TBC1D14: variants seen among roughly 807,000 people sequenced by gnomAD.
TBC1D14 encodes TBC1 domain family, member 14.
A neutral mutation model predicts 79.0 loss-of-function variants in TBC1D14; 26 were observed. That is an observed-to-expected ratio of 0.33 (90% CI 0.24 to 0.46). The LOEUF (loss-of-function observed/expected upper bound fraction) is 0.46, where lower values mean the gene tolerates loss of function less well. Among genes scored for constraint, TBC1D14 ranks in the 20% least tolerant of loss-of-function variants. The probability of loss-of-function intolerance (pLI) is 1.00; values close to 1 mark genes in which losing one functional copy is unlikely to be tolerated. For missense variants in TBC1D14, 769 were observed against 887.6 expected, an observed-to-expected ratio of 0.87 and a Z score of 1.70; for synonymous variants, 394 against 349.9, an observed-to-expected ratio of 1.13 and a Z score of -1.40.
chr4:7,006,808 T>C lies in TBC1D14; in HGVS notation c.1446+82T>C, dbSNP rs577540577. 3.0e-5 allele frequency: 41 copies of C among 1,382,980 alleles called. No homozygotes were observed. The East Asian group carries it at 3.7e-4, about 13-fold the overall frequency. The allele number at this position is 1,382,980 out of a possible 1,614,324, so 85.7% of individuals were successfully genotyped here. A position where few individuals can be genotyped will look rare whatever the true frequency, so the allele number is the denominator to read the frequency against. ...TGAACTGTGTATATTTGTTGTCAAG[T>C]TTGAAAGGTACTTGGGTTTTTGGGG... On this transcript the variant is annotated intron_variant, in intron 9 of 13. Transcript: ENST00000409757.
At chr4:7,015,864 G>A (rs56350643) in intron 12 of TBC1D14, among the ~76,000 whole-genome samples, 13,605 of 152,196 alleles carry the variant, frequency 0.089, 984 homozygotes, top group African/African-American at 0.19. Context: ...GGCACCACCC[G>A]ACTCATAGAA....
Position 6,924,948 on chromosome 4 carries a change from C to A in TBC1D14, c.722+837C>A, listed in dbSNP as rs57077904. On this transcript the variant is annotated intron_variant, in intron 2 of 13. Transcript: ENST00000409757. ...ACACAAGCAAATGTGAACTCCCGAA[C>A]GGTGGCGTGCTGGGAGGAAGGGCAC... Among the ~76,000 whole-genome samples the A allele has an allele frequency of 1.9e-3, 288 of 152,100 alleles. 3 individuals carry two copies. The highest frequency in any genetic ancestry group is 6.6e-3 in the African/African-American group (274 of 41,480).
At chr4:6,961,283 A>G (rs1010929909) in intron 2 of TBC1D14, among the ~76,000 whole-genome samples, 3 of 152,094 alleles carry the variant, frequency 2.0e-5, no homozygotes, top group African/African-American at 7.2e-5. Context: ...GCTCTGCCAT[A>G]TGGCTTTAAA....
At chr4:7,012,863 AT>A (rs1720909993) in intron 11 of TBC1D14, among the ~76,000 whole-genome samples, 1 of 152,256 alleles carries the variant, frequency 6.6e-6, no homozygotes, top group Admixed American at 6.5e-5. Context: ...CAGAAAATAA[AT>A]CTTGAGGAAG....
rs540431932 is a variant in TBC1D14 at position 7,013,951 on chromosome 4, G to A, written c.1648-497G>A. ...TTTTTAATAGAGACGGAGTTTCACC[G>A]TGTTAGCGAGGATGGTCTCGATCTC... On this transcript the variant is annotated intron_variant, in intron 11 of 13. Transcript: ENST00000409757. 5.3e-5 allele frequency among the ~76,000 whole-genome samples: 8 copies of A among 152,242 alleles called. No individual in the cohort carries two copies. The South Asian group carries it at 8.3e-4, about 16-fold the overall frequency.
intron 3 of TBC1D14, among the ~76,000 whole-genome samples, chr4:6,979,535 C>T (rs1424278039): frequency 1.3e-5 from 2 of 152,064 alleles, no homozygotes; most frequent in South Asian, 2.1e-4. Flanking sequence ...GCAGGAGGAT[C>T]GCTTGAGCCC....
chr4:6,977,818 T>A (rs1447727103), intron 3 of TBC1D14, among the ~76,000 whole-genome samples: 10 of 95,530 alleles, frequency 1.0e-4, no homozygotes, highest in Non-Finnish European at 4.4e-5. Flanking sequence ...CAGGCCGCCA[T>A]CCCATCTAGG....
chr4:6,954,179 G>C, intron 2 of TBC1D14: 1 of 656,892 alleles, frequency 1.5e-6, no homozygotes. Context: ...CGCGAGGGGC[G>C]GGGCTCCGAG....
intron 2 of TBC1D14, among the ~76,000 whole-genome samples, chr4:6,925,804 T>C (rs1279923967): frequency 6.6e-6 from 1 of 152,178 alleles, no homozygotes; most frequent in African/African-American, 2.4e-5. Flanking sequence ...AACTTCCCCG[T>C]GCTCAGACGA....
At chr4:7,009,196 T>C (rs1267277289) in intron 9 of TBC1D14, among the ~76,000 whole-genome samples, 3 of 152,232 alleles carry the variant, frequency 2.0e-5, no homozygotes, top group Non-Finnish European at 2.9e-5. Flanking sequence ...TGTTTGGGAC[T>C]GAACCTGTCC....
At chr4:6,977,415 G>A (rs28588616) in intron 3 of TBC1D14, among the ~76,000 whole-genome samples, 111,799 of 131,850 alleles carry the variant, frequency 0.85, 48,608 homozygotes, top group East Asian at 0.99. Flanking sequence ...AGTCGCGTTC[G>A]CTCAGTGCTC....
intron 2 of TBC1D14, among the ~76,000 whole-genome samples, chr4:6,956,981 C>T (rs753382792): frequency 1.4e-4 from 21 of 152,250 alleles, no homozygotes; most frequent in Non-Finnish European, 2.8e-4. Flanking sequence ...TTGGTATCTC[C>T]TCCACCACAC....
rs916515777 is a variant in TBC1D14, at chr4:7,030,567, A to T, written c.*175A>T. On this transcript the variant is annotated 3_prime_UTR_variant, in exon 14 of 14. Coordinates refer to ENST00000409757, the MANE Select transcript of TBC1D14 (RefSeq NM_020773.3). ...ACAAAAACTTTTAAAGAATTAAACC[A>T]AGGCTTAGCCTTAAGCAGCTCAGTG... The T allele has an allele frequency of 6.5e-6, 4 of 617,084 alleles. No individual in the cohort carries two copies. The highest frequency in any genetic ancestry group is 2.7e-5 in the Admixed American group (1 of 37,636). The allele number at this position is 617,084 out of a possible 1,614,324, so 38.2% of individuals were successfully genotyped here.
chr4:7,000,382 G>A (rs984315421), intron 6 of TBC1D14, among the ~76,000 whole-genome samples: 3 of 152,226 alleles, frequency 2.0e-5, no homozygotes, highest in African/African-American at 4.8e-5. Flanking sequence ...GCCCTTGGGT[G>A]TAGGTTTCAT....
chr4:7,000,040 T>C (rs1049608064), intron 6 of TBC1D14, among the ~76,000 whole-genome samples: 1 of 152,186 alleles, frequency 6.6e-6, no homozygotes, highest in Non-Finnish European at 1.5e-5. Flanking sequence ...ATGTCAGCAC[T>C]GCAGGGGTCA....
At chr4:6,920,627 G>A (rs925975217) in intron 1 of TBC1D14, among the ~76,000 whole-genome samples, 1 of 152,132 alleles carries the variant, frequency 6.6e-6, no homozygotes, top group African/African-American at 2.4e-5. Context: ...TACCAACAAA[G>A]TGCCTGTTGG....
intron 12 of TBC1D14, among the ~76,000 whole-genome samples, chr4:7,018,309 C>T (rs917979507): frequency 1.3e-5 from 2 of 152,174 alleles, no homozygotes; most frequent in East Asian, 1.9e-4. Context: ...GCTGAGGGGC[C>T]TGTGGGTGTG....
chr4:7,013,893 G>A (rs1024874776), intron 11 of TBC1D14, among the ~76,000 whole-genome samples: 13 of 152,102 alleles, frequency 8.5e-5, no homozygotes, highest in South Asian at 4.1e-4. Context: ...ACAGGCGCCC[G>A]CCACCACGCC....
intron 3 of TBC1D14, among the ~76,000 whole-genome samples, chr4:6,978,379 C>T (rs1717021053): frequency 6.7e-6 from 1 of 149,872 alleles, no homozygotes; most frequent in Non-Finnish European, 1.5e-5. Flanking sequence ...GGAGACTTCT[C>T]ATTTTGTTCT....
Sources: allele counts gnomAD v4.1 joint callset (sites outside exome capture counted in the v4.1 genomes callset), GRCh38; gene constraint gnomAD v4.1.1; transcripts MANE v1.5; gene names NCBI Gene and HGNC (gene_info 2026-07-23, HGNC 2026-07-21).